Variants in NELL2 observed in about 807,000 individuals in gnomAD.
NELL2 encodes protein kinase C-binding protein NELL2.
A neutral mutation model predicts 109.6 loss-of-function variants in NELL2; 41 were observed. That is an observed-to-expected ratio of 0.37 (90% confidence interval 0.29 to 0.49). The LOEUF (loss-of-function observed/expected upper bound fraction) is 0.49. Ranked by LOEUF, NELL2 falls within the 20% of genes least tolerant of loss-of-function variation. The pLI is 0.98. For synonymous variants in NELL2, 355 were observed against 344.7 expected, an observed-to-expected ratio of 1.03 and a Z score of -0.33; for missense variants, 900 against 1,008.3, an observed-to-expected ratio of 0.89 and a Z score of 1.45.
chr12:44,681,836 G>C (rs1948520197), intron 12 of NELL2, among the ~76,000 whole-genome samples: 2 of 151,830 alleles, frequency 1.3e-5, no homozygotes, highest in African/African-American at 2.4e-5. Flanking sequence ...ATTTGGGTTG[G>C]TTCCAAGTCT....
chr12:44,759,274 T>C (rs1182779250), intron 9 of NELL2, among the ~76,000 whole-genome samples: 1 of 152,194 alleles, frequency 6.6e-6, no homozygotes, highest in Non-Finnish European at 1.5e-5. Flanking sequence ...TCCCTTTCAA[T>C]GTGACTTTAC....
chr12:44,590,399 A>G (rs1373700822), intron 15 of NELL2, among the ~76,000 whole-genome samples: 1 of 152,308 alleles, frequency 6.6e-6, no homozygotes, highest in Non-Finnish European at 1.5e-5. Flanking sequence ...ATAGTTTTCA[A>G]AATGCAGCCC....
chr12:44,871,312 T>C (rs888192610), intron 2 of NELL2, among the ~76,000 whole-genome samples: 1 of 152,230 alleles, frequency 6.6e-6, no homozygotes, highest in African/African-American at 2.4e-5. Context: ...ACTATGTAAT[T>C]GTTCAACGGC....
intron 12 of NELL2, among the ~76,000 whole-genome samples, chr12:44,686,521 C>A (rs927462043): frequency 1.3e-5 from 2 of 152,166 alleles, no homozygotes; most frequent in African/African-American, 4.8e-5. Context: ...TTTTTCTGTT[C>A]TGTTTTTTCC....
At chr12:44,648,726 TA>T (rs1566084679) in intron 13 of NELL2, among the ~76,000 whole-genome samples, 46 of 103,542 alleles carry the variant, frequency 4.4e-4, no homozygotes, top group African/African-American at 2.3e-3. Context: ...TATATATATA[TA>T]TATATTTTTT....
intron 2 of NELL2, among the ~76,000 whole-genome samples, chr12:44,866,977 T>C (rs1157476370): frequency 2.0e-5 from 3 of 152,026 alleles, no homozygotes; most frequent in Non-Finnish European, 4.4e-5. Flanking sequence ...ACAAATAACT[T>C]GTAAGCAAAT....
intron 19 of NELL2, 135 bp downstream of exon 19, chr12:44,519,870 C>T (rs1941447601): frequency 1.3e-6 from 1 of 760,982 alleles, no homozygotes; most frequent in South Asian, 1.6e-5. Context: ...GAGTGGCATT[C>T]CGCCCACCTA....
At chr12:44,684,095 A>C (rs182475899) in intron 12 of NELL2, among the ~76,000 whole-genome samples, 8,775 of 152,138 alleles carry the variant, frequency 0.058, 835 homozygotes, top group African/African-American at 0.2. Flanking sequence ...ACAATTTCAG[A>C]GCCTGTTATT....
At chr12:44,533,733 A>G (rs1475508648) in intron 15 of NELL2, among the ~76,000 whole-genome samples, 1 of 152,168 alleles carries the variant, frequency 6.6e-6, no homozygotes, top group African/African-American at 2.4e-5. Context: ...CAGGAGGAAA[A>G]GCAATCCCTG....
At chr12:44,668,547 C>T (rs1777958021) in intron 12 of NELL2, among the ~76,000 whole-genome samples, 1 of 152,152 alleles carries the variant, frequency 6.6e-6, no homozygotes. Context: ...GTCTCTCCTG[C>T]TGCCACCACT....
intron 9 of NELL2, among the ~76,000 whole-genome samples, chr12:44,734,176 T>A (rs573934903): frequency 3.7e-4 from 57 of 152,152 alleles, no homozygotes; most frequent in African/African-American, 1.3e-3. Flanking sequence ...TATTATTAGG[T>A]AAATGCAAGT....
At position 44,874,959 on chromosome 12, in the gene NELL2, A is replaced by G. The variant is rs958694103; in HGVS notation, c.184+266T>C. 1.5e-5 allele frequency: 5 copies of G among 331,848 alleles called. No individual in the cohort carries two copies. In the East Asian group the frequency reaches 2.5e-4, roughly 17 times the overall value. 20.6% of individuals were successfully genotyped at this position (331,848 alleles called of 1,614,324 possible). A position where few individuals can be genotyped will look rare whatever the true frequency, so the allele number is the denominator to read the frequency against. ...TGTTCCCCAGATTCTAAAATCAACCATCTGCCATAGGAGTTTCTGCTCAGT... is the reference window on the plus strand; with the variant it reads ...TGTTCCCCAGATTCTAAAATCAACCGTCTGCCATAGGAGTTTCTGCTCAGT... On this transcript the variant is annotated intron_variant, in intron 2 of 19. Coordinates refer to ENST00000429094, the MANE Select transcript of NELL2 (RefSeq NM_001145108.2).
intron 3 of NELL2, among the ~76,000 whole-genome samples, chr12:44,810,807 C>T (rs2136673615): frequency 6.6e-6 from 1 of 152,148 alleles, no homozygotes; most frequent in Middle Eastern, 3.4e-3. Flanking sequence ...AATGGAGTGC[C>T]TTTTACATTT....
chr12:44,885,902 A>AAGAC (rs1945465328), intron 1 of NELL2, among the ~76,000 whole-genome samples: 1 of 151,964 alleles, frequency 6.6e-6, no homozygotes, highest in Non-Finnish European at 1.5e-5. Context: ...TATAGAAATC[A>AAGAC]AGACAGTATA....
intron 2 of NELL2, among the ~76,000 whole-genome samples, chr12:44,855,937 G>T (rs1944671381): frequency 6.6e-6 from 1 of 152,120 alleles, no homozygotes; most frequent in Non-Finnish European, 1.5e-5. Flanking sequence ...AAGAAAGCAG[G>T]TATTTTGATT....
intron 15 of NELL2, among the ~76,000 whole-genome samples, chr12:44,571,944 G>A (rs1943886043): frequency 6.6e-6 from 1 of 151,846 alleles, no homozygotes; most frequent in Admixed American, 6.6e-5. Context: ...TATACAATAA[G>A]CACAATAAGC....
intron 9 of NELL2, among the ~76,000 whole-genome samples, chr12:44,743,008 C>G (rs560463272): frequency 6.6e-6 from 1 of 152,010 alleles, no homozygotes; most frequent in East Asian, 1.9e-4. Context: ...GTCAGATTCA[C>G]CAAAGTTGAA....
intron 9 of NELL2, among the ~76,000 whole-genome samples, chr12:44,739,856 C>T (rs1261443146): frequency 6.6e-6 from 1 of 152,158 alleles, no homozygotes; most frequent in South Asian, 2.1e-4. Context: ...CGCGACTGCA[C>T]TCCAGCATGG....
chr12:44,838,456 G>T (rs1592631443), intron 2 of NELL2, among the ~76,000 whole-genome samples: 1 of 152,140 alleles, frequency 6.6e-6, no homozygotes, highest in East Asian at 1.9e-4. Context: ...TTTGATGCCA[G>T]TTCCATCATT....
Sources: allele counts gnomAD v4.1 joint callset (sites outside exome capture counted in the v4.1 genomes callset), GRCh38; gene constraint gnomAD v4.1.1; transcripts MANE v1.5; gene names NCBI Gene and HGNC (gene_info 2026-07-23, HGNC 2026-07-21).